The following STK24 variants were observed in gnomAD, a reference collection of about 807,000 sequenced individuals.
STK24 encodes the protein serine/threonine kinase 24, also known as serine/threonine-protein kinase 24.
Under a neutral mutation model 55.6 loss-of-function variants are expected in STK24, and 21 were observed. The ratio of observed to expected loss-of-function variants is 0.38; its 90% CI spans 0.27 to 0.54. The LOEUF (loss-of-function observed/expected upper bound fraction) is 0.54, where lower values mean the gene tolerates loss of function less well. Among genes scored for constraint, STK24 ranks in the 20% least tolerant of loss-of-function variants. The pLI is 0.79. For missense variants in STK24, 383 were observed against 538.4 expected, an observed-to-expected ratio of 0.71 and a Z score of 2.86; for synonymous variants, 200 against 215.2, an observed-to-expected ratio of 0.93 and a Z score of 0.62.
intron 2 of STK24, among the ~76,000 whole-genome samples, chr13:98,485,788 A>G (rs997312700): frequency 1.3e-5 from 2 of 152,166 alleles, no homozygotes; most frequent in African/African-American, 4.8e-5. Context: ...CAGGTTTGCA[A>G]GCATTCCAGC....
chr13:98,501,422 G>C (rs1895458242), intron 2 of STK24, among the ~76,000 whole-genome samples: 1 of 152,226 alleles, frequency 6.6e-6, no homozygotes, highest in Non-Finnish European at 1.5e-5. Context: ...AGAGCCCCAG[G>C]AACTGAGGAG....
intron 1 of STK24, among the ~76,000 whole-genome samples, chr13:98,550,747 A>G (rs1170445260): frequency 6.6e-6 from 1 of 152,194 alleles, no homozygotes; most frequent in Non-Finnish European, 1.5e-5. Context: ...TTTGCATGTA[A>G]TTTTGCATAA....
At chr13:98,454,210 T>G (rs1419913533) in intron 10 of STK24, 1 of 152,250 alleles carries the variant, frequency 6.6e-6, no homozygotes, top group Admixed American at 6.5e-5. Flanking sequence ...CACCCAAAGA[T>G]GCTGATGAGA....
At chr13:98,461,999 C>T in intron 7 of STK24, 102 bp from the exon 8 acceptor site, 1 of 1,454,876 alleles carries the variant, frequency 6.9e-7, no homozygotes, top group East Asian at 2.3e-5. Flanking sequence ...TAAACCCACA[C>T]CCACCAGCCC....
At chr13:98,478,499 G>A (rs1246886745) in intron 3 of STK24, among the ~76,000 whole-genome samples, 1 of 152,220 alleles carries the variant, frequency 6.6e-6, no homozygotes, top group Admixed American at 6.5e-5. Flanking sequence ...GAAGACCAAG[G>A]GAAGCCTGGG....
intron 1 of STK24, among the ~76,000 whole-genome samples, chr13:98,547,841 T>C (rs1442188716): frequency 2.0e-5 from 3 of 152,212 alleles, no homozygotes; most frequent in Non-Finnish European, 4.4e-5. Flanking sequence ...TTCCTATACT[T>C]CAATATCACA....
intron 1 of STK24, among the ~76,000 whole-genome samples, chr13:98,561,977 CAAAAAAA>C (rs10564690): frequency 1.9e-5 from 1 of 53,618 alleles, no homozygotes; most frequent in African/African-American, 6.9e-5. Context: ...GACTCCGTCT[CAAAAAAA>C]AAAAAAAAAA....
At chr13:98,554,117 T>C (rs1897228111) in intron 1 of STK24, among the ~76,000 whole-genome samples, 1 of 150,938 alleles carries the variant, frequency 6.6e-6, no homozygotes, top group Non-Finnish European at 1.5e-5. Flanking sequence ...CTGATGATGA[T>C]GATGAATTGG....
intron 2 of STK24, among the ~76,000 whole-genome samples, chr13:98,489,882 C>T (rs1457953681): frequency 6.6e-6 from 1 of 152,086 alleles, no homozygotes; most frequent in Non-Finnish European, 1.5e-5. Context: ...CTGCCTACAA[C>T]AACAAATACA....
chr13:98,498,148 T>C (rs79605847), intron 2 of STK24, among the ~76,000 whole-genome samples: 24,632 of 152,224 alleles, frequency 0.16, 2,122 homozygotes, highest in Middle Eastern at 0.22. Context: ...GTTTGAACTG[T>C]TGATAGAGAT....
chr13:98,548,983 C>A (rs1897098214), intron 1 of STK24, among the ~76,000 whole-genome samples: 1 of 151,922 alleles, frequency 6.6e-6, no homozygotes. Context: ...AGACCCCGAT[C>A]AGTGCCCCGG....
At chr13:98,553,009 G>A (rs1418017153) in intron 1 of STK24, among the ~76,000 whole-genome samples, 1 of 152,126 alleles carries the variant, frequency 6.6e-6, no homozygotes, top group Non-Finnish European at 1.5e-5. Context: ...TGTGACAAAC[G>A]TACCACTCTG....
At chr13:98,487,644 A>T (rs1894857377) in intron 2 of STK24, among the ~76,000 whole-genome samples, 2 of 152,204 alleles carry the variant, frequency 1.3e-5, no homozygotes, top group Non-Finnish European at 1.5e-5. Flanking sequence ...ACTGTTGTTT[A>T]CCTTGCTTTT....
At chr13:98,488,160 G>GACACACAC (rs71213678) in intron 2 of STK24, among the ~76,000 whole-genome samples, 7,600 of 130,264 alleles carry the variant, frequency 0.058, 298 homozygotes, top group East Asian at 0.12. Context: ...AAGAGATGAA[G>GACACACAC]ACACACACAC....
intron 5 of STK24, 50 bp downstream of exon 5, chr13:98,474,771 G>A (rs774290841): frequency 1.3e-6 from 2 of 1,540,696 alleles, no homozygotes; most frequent in South Asian, 1.3e-5. Context: ...CAAAAGGCGG[G>A]AGCCCTCCAG....
chr13:98,528,034 C>A (rs980806853), intron 1 of STK24, among the ~76,000 whole-genome samples: 28 of 152,294 alleles, frequency 1.8e-4, no homozygotes, highest in Non-Finnish European at 3.1e-4. Flanking sequence ...AATAATCAGG[C>A]CTCCGCAAAG....
intron 2 of STK24, 82 bp from the exon 3 acceptor site, chr13:98,482,403 C>A: frequency 2.7e-6 from 2 of 753,026 alleles, no homozygotes; most frequent in African/African-American, 1.8e-5. Context: ...GTATTTTTCA[C>A]AATTATATTG....
intron 1 of STK24, among the ~76,000 whole-genome samples, chr13:98,521,582 G>C (rs764511960): frequency 5.3e-5 from 8 of 152,176 alleles, no homozygotes; most frequent in Non-Finnish European, 1.2e-4. Context: ...CAGAATGCCC[G>C]GGTGGGTACC....
At chr13:98,498,031 C>T (rs1285455238) in intron 2 of STK24, among the ~76,000 whole-genome samples, 1 of 152,206 alleles carries the variant, frequency 6.6e-6, no homozygotes. Context: ...CTTATGGATG[C>T]ATTTTCTGAA....
Sources: allele counts gnomAD v4.1 joint callset (sites outside exome capture counted in the v4.1 genomes callset), GRCh38; gene constraint gnomAD v4.1.1; transcripts MANE v1.5; gene names NCBI Gene and HGNC (gene_info 2026-07-23, HGNC 2026-07-21).